Variants in TYW1 observed in about 807,000 individuals in gnomAD.
The protein encoded by TYW1 is S-adenosyl-L-methionine-dependent tRNA 4-demethylwyosine synthase TYW1.
Under a neutral mutation model 96.2 loss-of-function variants are expected in TYW1, and 46 were observed. The observed-to-expected ratio is 0.48, with a 90% confidence interval of 0.38 to 0.61. The LOEUF (loss-of-function observed/expected upper bound fraction) is 0.61. TYW1 is among the 20% of genes least tolerant of loss of function. TYW1 has a pLI of 0.00. For missense variants in TYW1, 684 were observed against 909.6 expected, an observed-to-expected ratio of 0.75 and a Z score of 3.19; for synonymous variants, 274 against 323.0, an observed-to-expected ratio of 0.85 and a Z score of 1.63.
chr7:67,091,397 C>T (rs939650936), intron 11 of TYW1, among the ~76,000 whole-genome samples: 1 of 129,762 alleles, frequency 7.7e-6, no homozygotes, highest in African/African-American at 3.0e-5. Context: ...GGGAACATCA[C>T]ACATCGGGGC....
intron 6 of TYW1, among the ~76,000 whole-genome samples, chr7:67,019,764 C>A (rs1400816636): frequency 6.6e-6 from 1 of 152,280 alleles, no homozygotes; most frequent in Admixed American, 6.5e-5. Context: ...GCAAAGGGAA[C>A]AAGGAGTGGT....
At chr7:67,168,641 G>C (rs1479419946) in intron 13 of TYW1, among the ~76,000 whole-genome samples, 1 of 152,096 alleles carries the variant, frequency 6.6e-6, no homozygotes, top group Non-Finnish European at 1.5e-5. Flanking sequence ...AATATCAAAT[G>C]CCAATTTGAT....
chr7:67,195,577 T>A (rs1800367484), intron 15 of TYW1, among the ~76,000 whole-genome samples: 1 of 152,154 alleles, frequency 6.6e-6, no homozygotes, highest in African/African-American at 2.4e-5. Flanking sequence ...TGGTTTGCAA[T>A]TTTAGAAGGT....
At chr7:67,138,839 T>C (rs1164206107) in intron 13 of TYW1, among the ~76,000 whole-genome samples, 4 of 151,910 alleles carry the variant, frequency 2.6e-5, no homozygotes, top group African/African-American at 7.3e-5. Context: ...AGTACTCCAT[T>C]ATATATAAAT....
At chr7:67,057,757 A>G (rs909428667) in intron 9 of TYW1, among the ~76,000 whole-genome samples, 1 of 152,184 alleles carries the variant, frequency 6.6e-6, no homozygotes, top group African/African-American at 2.4e-5. Flanking sequence ...GTTTGACTCT[A>G]TATTATTGAT....
rs542889524 is a variant in TYW1, at chr7:66,998,932, G to A, written c.251G>A (p.Gly84Asp). 18 of 1,614,030 alleles carry A rather than the reference G, an allele frequency of 1.1e-5. No individual in the cohort carries two copies. The African/African-American group carries it at 2.3e-4, about 20-fold the overall frequency. ...GTGTCTGGAGTGAAGATTTTTTATGGTTCTCAGACTGGAACAGCGAAGGTA... is the reference window on the plus strand; with the variant it reads ...GTGTCTGGAGTGAAGATTTTTTATGATTCTCAGACTGGAACAGCGAAGGTA... ...IFVSGVKIFY[G>D]SQTGTAKGFA... Residue 84 changes from glycine (G) to aspartate (D), a missense_variant, in exon 3 of 16, where the codon GGT becomes GAT. By Grantham distance (94) the Gly-to-Asp change is moderately conservative (BLOSUM62 -1). Transcript: ENST00000359626.
intron 11 of TYW1, among the ~76,000 whole-genome samples, chr7:67,090,719 T>A (rs1173109550): frequency 6.6e-6 from 1 of 152,172 alleles, no homozygotes; most frequent in Non-Finnish European, 1.5e-5. Flanking sequence ...TGTGTGTGAG[T>A]GTCAGATAAT....
At chr7:67,164,760 A>C (rs1220063392) in intron 13 of TYW1, among the ~76,000 whole-genome samples, 1 of 152,126 alleles carries the variant, frequency 6.6e-6, no homozygotes, top group Non-Finnish European at 1.5e-5. Flanking sequence ...TGTTCCTCAG[A>C]TATGTTGGGG....
At chr7:67,038,260 G>T (rs188308607) in intron 7 of TYW1, among the ~76,000 whole-genome samples, 4 of 151,844 alleles carry the variant, frequency 2.6e-5, no homozygotes, top group African/African-American at 9.7e-5. Context: ...CCTAGATTAC[G>T]CCACTGCACT....
In TYW1 at chr7:67,102,753, G is replaced by A. The variant is rs1287769808; in HGVS notation, c.1562+4035G>A. On this transcript the variant is annotated intron_variant, in intron 12 of 15. Transcript: ENST00000359626. ...TACAAGCTCCGCCTCCAGGGTTCAA[G>A]TGATTCTCCTGCCTCAGCCTCCCGA... Among the ~76,000 whole-genome samples, 5 of 152,220 alleles carry A rather than the reference G, an allele frequency of 3.3e-5. No homozygotes were observed. The East Asian group carries it at 9.7e-4, about 29-fold the overall frequency.
At chr7:67,120,858 A>C (rs1399011822) in intron 13 of TYW1, among the ~76,000 whole-genome samples, 1 of 152,256 alleles carries the variant, frequency 6.6e-6, no homozygotes, top group Non-Finnish European at 1.5e-5. Context: ...GTAATGCAGT[A>C]ACTTAAAGTT....
intron 13 of TYW1, among the ~76,000 whole-genome samples, chr7:67,141,754 G>T (rs1798456892): frequency 6.6e-6 from 1 of 152,216 alleles, no homozygotes; most frequent in East Asian, 1.9e-4. Flanking sequence ...TAACACATGA[G>T]GCCAGGCATG....
intron 3 of TYW1, among the ~76,000 whole-genome samples, chr7:67,007,725 C>T (rs1793651531): frequency 6.6e-6 from 1 of 152,042 alleles, no homozygotes; most frequent in Admixed American, 6.6e-5. Context: ...ACCTCTGCCT[C>T]CTGGATTCAA....
chr7:67,143,949 T>C (rs1798526378), intron 13 of TYW1, among the ~76,000 whole-genome samples: 1 of 152,256 alleles, frequency 6.6e-6, no homozygotes, highest in Non-Finnish European at 1.5e-5. Flanking sequence ...TGTAAAAGTA[T>C]TGAGTCATGG....
intron 15 of TYW1, among the ~76,000 whole-genome samples, chr7:67,225,206 A>G (rs1046029792): frequency 3.8e-4 from 58 of 151,922 alleles, no homozygotes; most frequent in Middle Eastern, 3.4e-3. Context: ...AAAAAAAAAA[A>G]AAAAAAAAGT....
intron 15 of TYW1, among the ~76,000 whole-genome samples, chr7:67,230,669 T>C (rs1801724962): frequency 6.7e-6 from 1 of 150,360 alleles, no homozygotes; most frequent in South Asian, 2.1e-4. Flanking sequence ...TTTTTTTTTT[T>C]TGAGGCGGAG....
chr7:67,225,818 T>C (rs563315233), intron 15 of TYW1, among the ~76,000 whole-genome samples: 1 of 147,678 alleles, frequency 6.8e-6, no homozygotes, highest in African/African-American at 2.6e-5. Context: ...AAGAATGTAA[T>C]CTTATGGTTA....
At chr7:67,223,324 A>G (rs1313327698) in intron 15 of TYW1, among the ~76,000 whole-genome samples, 1 of 151,956 alleles carries the variant, frequency 6.6e-6, no homozygotes, top group Admixed American at 6.6e-5. Flanking sequence ...TTTGCCTCTC[A>G]GTGTTTTCTG....
At chr7:67,088,715 T>A (rs1796622412) in intron 11 of TYW1, among the ~76,000 whole-genome samples, 1 of 152,046 alleles carries the variant, frequency 6.6e-6, no homozygotes, top group African/African-American at 2.4e-5. Flanking sequence ...AGGCACATGC[T>A]ACCAAACTCA....
Sources: allele counts gnomAD v4.1 joint callset (sites outside exome capture counted in the v4.1 genomes callset), GRCh38; gene constraint gnomAD v4.1.1; transcripts MANE v1.5; gene names NCBI Gene and HGNC (gene_info 2026-07-23, HGNC 2026-07-21).